Variants in CSMD1 observed in about 807,000 individuals in gnomAD.
CSMD1 encodes CUB and Sushi multiple domains 1.
A neutral mutation model predicts 417.5 loss-of-function variants in CSMD1; 213 were observed. The ratio of observed to expected loss-of-function variants is 0.51; its 90% confidence interval spans 0.46 to 0.57. The LOEUF is 0.57. Ranked by LOEUF, CSMD1 falls within the 20% of genes least tolerant of loss-of-function variation. The pLI, the probability that CSMD1 is intolerant of heterozygous loss-of-function variation, is 0.00. For missense variants in CSMD1, 6,923 were observed against 4,529.7 expected, an observed-to-expected ratio of 1.53 and a Z score of -15.17; for synonymous variants, 2,862 against 1,736.8, an observed-to-expected ratio of 1.65 and a Z score of -16.11.
intron 3 of CSMD1, among the ~76,000 whole-genome samples, chr8:4,058,163 T>C (rs540939769): frequency 1.3e-5 from 2 of 152,206 alleles, no homozygotes; most frequent in African/African-American, 4.8e-5. Context: ...TTCCTACCCA[T>C]GAGCATGGAA....
At chr8:4,561,473 G>A (rs942573685) in intron 2 of CSMD1, among the ~76,000 whole-genome samples, 2 of 152,080 alleles carry the variant, frequency 1.3e-5, no homozygotes, top group Non-Finnish European at 2.9e-5. Flanking sequence ...ACTTGAGTCC[G>A]GGAGTTCAGG....
chr8:4,751,396 G>T (rs543654981), intron 1 of CSMD1, among the ~76,000 whole-genome samples: 1 of 151,312 alleles, frequency 6.6e-6, no homozygotes, highest in East Asian at 1.9e-4. Context: ...GTCTCAGGGG[G>T]GGTGGCGGGG....
At chr8:4,089,360 C>G (rs188835081) in intron 3 of CSMD1, among the ~76,000 whole-genome samples, 1 of 152,126 alleles carries the variant, frequency 6.6e-6, no homozygotes, top group Non-Finnish European at 1.5e-5. Context: ...CAGGCTTTCA[C>G]TGAGAAGACA....
intron 49 of CSMD1, among the ~76,000 whole-genome samples, chr8:3,054,899 T>C (rs1441961350): frequency 6.6e-6 from 1 of 152,210 alleles, no homozygotes; most frequent in Non-Finnish European, 1.5e-5. Context: ...AATATTCATC[T>C]TAATTTCCTG....
intron 3 of CSMD1, among the ~76,000 whole-genome samples, chr8:4,287,205 C>A (rs1161592659): frequency 6.6e-6 from 1 of 152,190 alleles, no homozygotes; most frequent in Non-Finnish European, 1.5e-5. Flanking sequence ...ACTCACATAG[C>A]TAATTAGATA....
In CSMD1 at chr8:4,060,925, G is replaced by A. The variant is rs148490087; in HGVS notation, c.416-28826C>T. 1.8e-4 allele frequency among the ~76,000 whole-genome samples: 28 copies of A among 152,240 alleles called. No individual in the cohort carries two copies. The East Asian group carries it at 3.1e-3, about 17-fold the overall frequency. On this transcript the variant is annotated intron_variant, in intron 3 of 69. Coordinates refer to ENST00000635120, the MANE Select transcript of CSMD1 (RefSeq NM_033225.6). ...AGCCTGTTTCCCATTTGCAGTAGAA[G>A]AAACCAACATAGAAGCTTCTCATTG...
At chr8:4,064,000 T>C (rs909119265) in intron 3 of CSMD1, among the ~76,000 whole-genome samples, 3 of 151,954 alleles carry the variant, frequency 2.0e-5, no homozygotes, top group Non-Finnish European at 4.4e-5. Flanking sequence ...GGGAAATGAG[T>C]GTACCTAAAG....
intron 10 of CSMD1, among the ~76,000 whole-genome samples, chr8:3,550,504 C>T (rs892505635): frequency 2.0e-5 from 3 of 152,126 alleles, no homozygotes; most frequent in Non-Finnish European, 4.4e-5. Flanking sequence ...AGTAATGTTT[C>T]CATACATATA....
At position 2,998,566 on chromosome 8, in the gene CSMD1, C is replaced by A. The variant is rs146130052; in HGVS notation, c.8204-382G>T. 5.3e-5 allele frequency among the ~76,000 whole-genome samples: 8 copies of A among 152,322 alleles called. No individual in the cohort carries two copies. In the East Asian group the frequency reaches 1.5e-3, roughly 29 times the overall value. On this transcript the variant is annotated intron_variant, in intron 53 of 69. Transcript: ENST00000635120. Reference sequence around the variant, plus strand: ...TGAACATTTTCTCCATACACACCAGCTGACTCTGTGAAACCCTCCTTTTGA... The same window carrying A: ...TGAACATTTTCTCCATACACACCAGATGACTCTGTGAAACCCTCCTTTTGA...
intron 2 of CSMD1, among the ~76,000 whole-genome samples, chr8:4,562,317 G>C (rs1798380503): frequency 2.0e-5 from 3 of 152,310 alleles, no homozygotes; most frequent in African/African-American, 7.2e-5. Flanking sequence ...AGCAAGGTCA[G>C]TGGGAGGCCC....
At chr8:3,183,794 G>A (rs1486278333) in intron 36 of CSMD1, among the ~76,000 whole-genome samples, 3 of 152,118 alleles carry the variant, frequency 2.0e-5, no homozygotes, top group South Asian at 2.1e-4. Flanking sequence ...CAGTCATCAC[G>A]CCTTAACTGG....
At chr8:4,431,370 G>C (rs1372127687) in intron 2 of CSMD1, among the ~76,000 whole-genome samples, 1 of 152,128 alleles carries the variant, frequency 6.6e-6, no homozygotes, top group Non-Finnish European at 1.5e-5. Flanking sequence ...ATAGTTGGGA[G>C]GAATTCATTG....
rs1387923856 is a variant in CSMD1 at position 4,387,585 on chromosome 8, A to AAAAAG, written c.415+32367_415+32368insCTTTT. On this transcript the variant is annotated intron_variant, in intron 3 of 69. Coordinates refer to ENST00000635120, the MANE Select transcript of CSMD1 (RefSeq NM_033225.6). ...TCCAAACTGGCAAAAAAAAAAAAAA[A>AAAAAG]AAAAAAAGAGTTGAATGTTTGGAAG... 3.2e-4 allele frequency among the ~76,000 whole-genome samples: 47 copies of AAAAAG among 148,988 alleles called. 1 individual carries two copies. Among genetic ancestry groups the AAAAAG allele is most frequent in the African/African-American group, 1.1e-3 (44 of 40,388 alleles).
At chr8:3,176,658 C>T (rs1439777200) in intron 37 of CSMD1, among the ~76,000 whole-genome samples, 1 of 152,198 alleles carries the variant, frequency 6.6e-6, no homozygotes, top group Non-Finnish European at 1.5e-5. Context: ...ACATCCCTCC[C>T]ACTTTAACAA....
At chr8:4,771,953 C>T (rs77325938) in intron 1 of CSMD1, among the ~76,000 whole-genome samples, 5 of 152,284 alleles carry the variant, frequency 3.3e-5, no homozygotes, top group Admixed American at 3.3e-4. Flanking sequence ...CGTGATAATT[C>T]CTGCAACAAT....
At chr8:4,620,967 G>A (rs1040534695) in intron 2 of CSMD1, among the ~76,000 whole-genome samples, 1 of 151,748 alleles carries the variant, frequency 6.6e-6, no homozygotes, top group African/African-American at 2.4e-5. Flanking sequence ...AAGAAAATTG[G>A]CAAACTCTTG....
At chr8:3,062,199 T>C (rs1812632505) in intron 49 of CSMD1, among the ~76,000 whole-genome samples, 1 of 152,190 alleles carries the variant, frequency 6.6e-6, no homozygotes, top group African/African-American at 2.4e-5. Flanking sequence ...CAAAATATTT[T>C]CTTGGAATAA....
chr8:4,336,355 G>A (rs1330522395), intron 3 of CSMD1, among the ~76,000 whole-genome samples: 1 of 152,044 alleles, frequency 6.6e-6, no homozygotes, highest in African/African-American at 2.4e-5. Flanking sequence ...GGAGCAACTG[G>A]GTCATTAACA....
chr8:4,782,019 C>A (rs1013014176), intron 1 of CSMD1, among the ~76,000 whole-genome samples: 1 of 152,208 alleles, frequency 6.6e-6, no homozygotes, highest in South Asian at 2.1e-4. Context: ...ATTTATGCAC[C>A]TTTCTCAGTC....
Sources: gnomAD v4.1 joint callset for allele counts (sites outside exome capture counted in the v4.1 genomes callset) on GRCh38, gnomAD v4.1.1 for gene constraint, MANE v1.5 for transcripts, NCBI Gene and HGNC (gene_info 2026-07-23, HGNC 2026-07-21) for gene names.